Variants in FAM13A observed in about 807,000 individuals in gnomAD.
FAM13A encodes protein FAM13A.
Under a neutral mutation model 129.6 loss-of-function variants are expected in FAM13A, and 76 were observed. The ratio of observed to expected loss-of-function variants is 0.59; its 90% confidence interval spans 0.49 to 0.71. FAM13A has a LOEUF of 0.71. Among genes scored for constraint, FAM13A ranks in the 30% least tolerant of loss-of-function variants. The probability of loss-of-function intolerance (pLI) is 0.00; values close to 1 mark genes in which losing one functional copy is unlikely to be tolerated. For synonymous variants in FAM13A, 443 were observed against 449.9 expected, an observed-to-expected ratio of 0.98 and a Z score of 0.20; for missense variants, 1,108 against 1,249.3, an observed-to-expected ratio of 0.89 and a Z score of 1.70.
chr4:88,928,411 C>A (rs1752540589), intron 5 of FAM13A, among the ~76,000 whole-genome samples: 1 of 152,098 alleles, frequency 6.6e-6, no homozygotes, highest in Admixed American at 6.5e-5. Flanking sequence ...TCTCAATGAT[C>A]TGTCTATTGC....
chr4:88,728,581 G>C lies in FAM13A; in HGVS notation c.3024C>G (p.Leu1008=). 6.2e-7 allele frequency: 1 copy of C among 1,614,186 alleles called. No individual in the cohort carries two copies. Among genetic ancestry groups the C allele is most frequent in the Non-Finnish European group, 8.5e-7 (1 of 1,180,016 alleles). Residue 1008 remains leucine (L), a synonymous_variant, in exon 24 of 24, where the codon CTC becomes CTG. Transcript: ENST00000264344. ...EYKHIKAKLR[L]LEVLISKRDT... ...CTCTCTTGCTGATGAGCACCTCCAGGAGCCTCAGTTTCGCCTTTATGTGCT... is the reference window on the plus strand; with the variant it reads ...CTCTCTTGCTGATGAGCACCTCCAGCAGCCTCAGTTTCGCCTTTATGTGCT...
chr4:88,959,661 C>T (rs1254918133), intron 4 of FAM13A, among the ~76,000 whole-genome samples: 2 of 152,222 alleles, frequency 1.3e-5, no homozygotes, highest in Non-Finnish European at 2.9e-5. Context: ...AATACTCAGT[C>T]TCAGGTATTT....
chr4:88,913,374 A>T lies in FAM13A; in HGVS notation c.760-6912T>A, dbSNP rs545281390. Among the ~76,000 whole-genome samples the T allele has an allele frequency of 4.1e-5, 6 of 147,328 alleles. No homozygotes were observed. In the East Asian group the frequency reaches 8.3e-4, roughly 20 times the overall value. ...GAGGAGGAAGAAGAGAAGAGGAAGAAGAGGAGGAGGAGGAGGAAGACAAAG... is the reference window on the plus strand; with the variant it reads ...GAGGAGGAAGAAGAGAAGAGGAAGATGAGGAGGAGGAGGAGGAAGACAAAG... On this transcript the variant is annotated intron_variant, in intron 5 of 23. Coordinates refer to ENST00000264344, the MANE Select transcript of FAM13A (RefSeq NM_014883.4).
intron 7 of FAM13A, among the ~76,000 whole-genome samples, chr4:88,806,359 TTCTC>T (rs1270574488): frequency 2.0e-5 from 3 of 152,202 alleles, no homozygotes; most frequent in Middle Eastern, 3.2e-3. Context: ...AGCATTCTCT[TTCTC>T]TCTCTTTTTG....
intron 7 of FAM13A, among the ~76,000 whole-genome samples, chr4:88,816,544 T>C (rs955372121): frequency 6.6e-6 from 1 of 152,192 alleles, no homozygotes; most frequent in African/African-American, 2.4e-5. Flanking sequence ...TAATCTGTAG[T>C]GCAGTAAGTG....
At chr4:88,996,139 G>C (rs1763511327) in intron 3 of FAM13A, among the ~76,000 whole-genome samples, 1 of 152,198 alleles carries the variant, frequency 6.6e-6, no homozygotes, top group Non-Finnish European at 1.5e-5. Context: ...TGAGTAGCAG[G>C]AGATGAAGTG....
chr4:89,033,114 C>G (rs1768912073), intron 1 of FAM13A, among the ~76,000 whole-genome samples: 1 of 148,184 alleles, frequency 6.7e-6, no homozygotes, highest in Admixed American at 6.7e-5. Context: ...CATTTCTGTT[C>G]TGTAACAACA....
At chr4:88,843,204 G>A (rs1440944348) in intron 7 of FAM13A, among the ~76,000 whole-genome samples, 1 of 152,154 alleles carries the variant, frequency 6.6e-6, no homozygotes, top group Non-Finnish European at 1.5e-5. Flanking sequence ...GCCAGAGAGT[G>A]GAAACATCTC....
chr4:89,035,883 ATCTTT>A (rs1249976458), intron 1 of FAM13A, among the ~76,000 whole-genome samples: 4 of 152,174 alleles, frequency 2.6e-5, no homozygotes, highest in African/African-American at 9.7e-5. Flanking sequence ...CCTTTTAAAC[ATCTTT>A]TCTTTATAAA....
intron 5 of FAM13A, among the ~76,000 whole-genome samples, chr4:88,912,905 C>T (rs1196954453): frequency 6.6e-6 from 1 of 151,992 alleles, no homozygotes; most frequent in African/African-American, 2.4e-5. Flanking sequence ...CTATTGAGCC[C>T]AAGAGGTCCA....
chr4:88,964,085 C>T (rs1424478019), intron 4 of FAM13A, among the ~76,000 whole-genome samples: 2 of 152,198 alleles, frequency 1.3e-5, no homozygotes, highest in African/African-American at 4.8e-5. Context: ...CATAAAGTAG[C>T]TGCAATCTGC....
chr4:88,872,550 A>G (rs1010955541), intron 6 of FAM13A, among the ~76,000 whole-genome samples: 1 of 152,234 alleles, frequency 6.6e-6, no homozygotes, highest in Admixed American at 6.5e-5. Context: ...AGGCCATTAC[A>G]TAATGGTAAA....
intron 4 of FAM13A, chr4:88,990,324 G>C (rs1762780689): frequency 6.6e-6 from 1 of 152,146 alleles, no homozygotes; most frequent in Admixed American, 6.5e-5. Flanking sequence ...GAGTGTAAAT[G>C]TTCTCTCTCT....
At chr4:88,802,356 G>A (rs1363152980) in intron 8 of FAM13A, among the ~76,000 whole-genome samples, 2 of 152,172 alleles carry the variant, frequency 1.3e-5, no homozygotes, top group Non-Finnish European at 2.9e-5. Flanking sequence ...ATGGTGGCAG[G>A]TGTAGATTGA....
rs142676724 is a variant in FAM13A at position 88,855,103 on chromosome 4, A to T, written c.844-3920T>A. On this transcript the variant is annotated intron_variant, in intron 6 of 23. Coordinates refer to ENST00000264344, the MANE Select transcript of FAM13A (RefSeq NM_014883.4). The stretch of plus-strand genomic sequence containing the variant: ...TACCATCAGAACCCAGACAGGCCTC[A>T]GTACCTGTGCTTAACCACTAGTCTA... Among the ~76,000 whole-genome samples the T allele has an allele frequency of 8.7e-3, 1,326 of 152,320 alleles. 22 individuals carry two copies. Among genetic ancestry groups the T allele is most frequent in the African/African-American group, 0.03 (1,235 of 41,568 alleles).
intron 6 of FAM13A, among the ~76,000 whole-genome samples, chr4:88,854,627 T>G (rs1738186327): frequency 6.6e-6 from 1 of 152,208 alleles, no homozygotes; most frequent in Admixed American, 6.5e-5. Context: ...GATGAACACT[T>G]TGCTCATAAG....
At chr4:88,878,797 T>C (rs1166714899) in intron 6 of FAM13A, among the ~76,000 whole-genome samples, 2 of 152,198 alleles carry the variant, frequency 1.3e-5, no homozygotes, top group East Asian at 3.8e-4. Flanking sequence ...CTGCACCTAA[T>C]AGTGTAGGGG....
intron 2 of FAM13A, among the ~76,000 whole-genome samples, chr4:89,022,683 T>C (rs774269832): frequency 1.3e-5 from 2 of 152,126 alleles, no homozygotes; most frequent in African/African-American, 2.4e-5. Context: ...ATACAGCAAA[T>C]GTGATGTCAT....
At chr4:88,733,763 A>C (rs565267823) in intron 21 of FAM13A, among the ~76,000 whole-genome samples, 1 of 152,270 alleles carries the variant, frequency 6.6e-6, no homozygotes, top group Admixed American at 6.5e-5. Flanking sequence ...GTTTGAAAAG[A>C]GAACTACAAA....
Sources: gnomAD v4.1 joint callset for allele counts (sites outside exome capture counted in the v4.1 genomes callset) on GRCh38, gnomAD v4.1.1 for gene constraint, MANE v1.5 for transcripts, NCBI Gene and HGNC (gene_info 2026-07-23, HGNC 2026-07-21) for gene names.